Variants in KIF6 observed in about 807,000 individuals in gnomAD.
KIF6 encodes the protein kinesin family member 6.
In KIF6, 106 loss-of-function variants were observed where a neutral mutation model predicts 112.7. The ratio of observed to expected loss-of-function variants is 0.94; its 90% confidence interval spans 0.80 to 1.11. The LOEUF is 1.11. Among genes scored for constraint, KIF6 ranks in the 50% least tolerant of loss-of-function variants. The pLI is 0.00. For synonymous variants in KIF6, 339 were observed against 339.9 expected (o/e 1.00, Z 0.03); for missense variants, 929 against 964.0 (o/e 0.96, Z 0.48).
chr6:39,494,219 C>T (rs150530542), intron 13 of KIF6, among the ~76,000 whole-genome samples: 136 of 152,310 alleles, frequency 8.9e-4, no homozygotes, highest in African/African-American at 3.2e-3. Context: ...TATGTTATCA[C>T]ACACTCAAGA....
chr6:39,497,002 T>A (rs1297663951), intron 13 of KIF6, among the ~76,000 whole-genome samples: 1 of 152,256 alleles, frequency 6.6e-6, no homozygotes, highest in Non-Finnish European at 1.5e-5. Flanking sequence ...TACAACTTTA[T>A]ATTTAGGTGC....
chr6:39,376,935 T>C (rs1186026493), intron 16 of KIF6, among the ~76,000 whole-genome samples: 4 of 152,238 alleles, frequency 2.6e-5, no homozygotes, highest in Non-Finnish European at 5.9e-5. Context: ...ATCCCAAAGC[T>C]GCGCTGTTTG....
chr6:39,714,894 C>A, intron 2 of KIF6, 128 bp from the exon 3 acceptor site: 1 of 660,116 alleles, frequency 1.5e-6, no homozygotes. Context: ...CCTAACTTAG[C>A]ACAATGTTTG....
intron 6 of KIF6, among the ~76,000 whole-genome samples, chr6:39,601,724 A>G (rs1200351109): frequency 6.6e-6 from 1 of 151,644 alleles, no homozygotes; most frequent in Non-Finnish European, 1.5e-5. Flanking sequence ...ACACACACAC[A>G]CACACACACA....
chr6:39,357,480 G>T, intron 18 of KIF6, 106 bp from the exon 19 acceptor site: 1 of 644,726 alleles, frequency 1.6e-6, no homozygotes, highest in Non-Finnish European at 2.6e-6. Flanking sequence ...ATGGAGTCTC[G>T]CTCTGTTGCC....
chr6:39,342,719 G>A lies in KIF6; in HGVS notation c.2428+990C>T, dbSNP rs1264186877. On this transcript the variant is annotated intron_variant, in intron 22 of 22. Transcript: ENST00000287152. This position sits in a 1 kb window ranked among gnomAD's most constrained non-coding sequence, Gnocchi z 4.7. ...TAAGAAAGGACCTGACAGTGTTGCT[G>A]AGGCTGCTGGTCCTGGTGGTGAAGA... The A allele has an allele frequency of 9.3e-6, 8 of 862,392 alleles. No individual in the cohort carries two copies. The highest frequency in any genetic ancestry group is 1.1e-5 in the Non-Finnish European group (8 of 718,540). 53.4% of individuals were successfully genotyped at this position (862,392 alleles called of 1,614,324 possible).
rs376122128 is a variant in KIF6, at chr6:39,382,147, T to C, written c.1861+3475A>G. ...GAGTTGAGTGGTATTTTTCACATCATTGTTTGTTTATTTTTAAATTTCCAT... is the reference window on the plus strand; with the variant it reads ...GAGTTGAGTGGTATTTTTCACATCACTGTTTGTTTATTTTTAAATTTCCAT... On this transcript the variant is annotated intron_variant, in intron 16 of 22. Coordinates refer to ENST00000287152, the MANE Select transcript of KIF6 (RefSeq NM_145027.6). 6.4e-4 allele frequency among the ~76,000 whole-genome samples: 97 copies of C among 152,332 alleles called. 1 individual carries two copies. In the East Asian group the frequency reaches 9.5e-3, roughly 15 times the overall value.
intron 13 of KIF6, among the ~76,000 whole-genome samples, chr6:39,457,039 C>A (rs927939746): frequency 7.1e-6 from 1 of 139,976 alleles, no homozygotes; most frequent in Non-Finnish European, 1.5e-5. Context: ...ATCTACAGAA[C>A]TCTCCACCCC....
chr6:39,655,144 A>G (rs887139070), intron 3 of KIF6, among the ~76,000 whole-genome samples: 6 of 152,174 alleles, frequency 3.9e-5, no homozygotes, highest in African/African-American at 1.4e-4. Context: ...TTGATGAAAG[A>G]GATATTTCTT....
At chr6:39,583,464 A>G (rs1411889151) in intron 9 of KIF6, 2 of 471,560 alleles carry the variant, frequency 4.2e-6, no homozygotes, top group Non-Finnish European at 8.8e-6. Context: ...ACTCCATCAG[A>G]GGAGCTTGGT....
intron 5 of KIF6, among the ~76,000 whole-genome samples, chr6:39,631,579 C>G (rs562021593): frequency 6.6e-6 from 1 of 152,160 alleles, no homozygotes; most frequent in East Asian, 1.9e-4. Context: ...GTTGAACTAG[C>G]TGTGCAATCT....
chr6:39,596,998 T>C (rs1258563232), intron 6 of KIF6, among the ~76,000 whole-genome samples: 4 of 152,142 alleles, frequency 2.6e-5, no homozygotes, highest in African/African-American at 4.8e-5. Flanking sequence ...TAATAAGGGA[T>C]GAATTTTCTA....
chr6:39,340,768 C>T (rs999017617), intron 22 of KIF6, among the ~76,000 whole-genome samples: 1 of 152,098 alleles, frequency 6.6e-6, no homozygotes, highest in Non-Finnish European at 1.5e-5. Flanking sequence ...ACTTCCGCCT[C>T]TTCTGTTTGG....
chr6:39,478,252 T>C, intron 13 of KIF6, among the ~76,000 whole-genome samples: 1 of 152,192 alleles, frequency 6.6e-6, no homozygotes, highest in East Asian at 1.9e-4. Flanking sequence ...TGCCTTTGTA[T>C]CCTCATAGCT....
At chr6:39,622,305 AT>A (rs1411556730) in intron 5 of KIF6, among the ~76,000 whole-genome samples, 2 of 151,944 alleles carry the variant, frequency 1.3e-5, no homozygotes, top group Non-Finnish European at 2.9e-5. Context: ...TGTTTCTTAT[AT>A]TTATTAGGCA....
At chr6:39,635,107 C>G (rs551129000) in intron 4 of KIF6, 149 bp from the exon 5 acceptor site, 7 of 571,272 alleles carry the variant, frequency 1.2e-5, no homozygotes, top group Non-Finnish European at 1.9e-5. Context: ...ATGACACTTT[C>G]AAGTTGCCAG....
intron 3 of KIF6, among the ~76,000 whole-genome samples, chr6:39,676,425 C>A (rs953828188): frequency 4.6e-5 from 7 of 152,072 alleles, no homozygotes; most frequent in Admixed American, 6.6e-5. Flanking sequence ...CATTAATAGA[C>A]CCTCTCTGAA....
chr6:39,385,756 GAAAA>G, intron 15 of KIF6, 84 bp from the exon 16 acceptor site: 62 of 500,820 alleles, frequency 1.2e-4, no homozygotes, highest in Admixed American at 1.8e-4. Context: ...GCAAGCTACA[GAAAA>G]AAAAAAAAAA....
chr6:39,352,926 C>T (rs9471082), intron 19 of KIF6, among the ~76,000 whole-genome samples: 49,676 of 152,052 alleles, frequency 0.33, 11,936 homozygotes, highest in African/African-American at 0.68. Context: ...TAATATTCCA[C>T]GGTTTGTTTA....
Sources: gnomAD v4.1 joint callset for allele counts (sites outside exome capture counted in the v4.1 genomes callset) on GRCh38, gnomAD v4.1.1 for gene constraint, Gnocchi (gnomAD v3.1) non-coding constraint, MANE v1.5 for transcripts, NCBI Gene and HGNC (gene_info 2026-07-23, HGNC 2026-07-21) for gene names.